KIRREL1: variants seen among roughly 807,000 people sequenced by gnomAD.
KIRREL1 encodes the protein kin of IRRE-like protein 1.
Under a neutral mutation model 83.3 loss-of-function variants are expected in KIRREL1, and 25 were observed. That is an observed-to-expected ratio of 0.30 (90% CI 0.22 to 0.42). The LOEUF (loss-of-function observed/expected upper bound fraction) is 0.42. KIRREL1 is among the 10% of genes least tolerant of loss of function. The pLI is 1.00. For synonymous variants in KIRREL1, 388 were observed against 410.4 expected (o/e 0.95, Z 0.66); for missense variants, 812 against 1,032.3 (o/e 0.79, Z 2.92).
Position 158,078,157 on chromosome 1 carries a change from CCTTCAGTA to C in KIRREL1, c.352+22_352+29del, listed in dbSNP as rs773881253. ...CCGTGCTCAGTAAGGACCCCAATAC[CCTTCAGTA>C]CTTCGAGGCCCTGTCTCTCTGTATC... On this transcript the variant is annotated intron_variant, in intron 3 of 14. Transcript: ENST00000359209. 6.2e-6 allele frequency: 10 copies of C among 1,609,230 alleles called. No homozygotes were observed. The African/African-American group carries it at 1.3e-4, about 22-fold the overall frequency.
chr1:158,078,997 A>C, intron 3 of KIRREL1, among the ~76,000 whole-genome samples: 1 of 147,854 alleles, frequency 6.8e-6, no homozygotes, highest in Non-Finnish European at 1.5e-5. Flanking sequence ...TCCAAGCCTC[A>C]CTCTTGCAAT....
chr1:158,026,847 G>GT (rs1428125833), intron 1 of KIRREL1, among the ~76,000 whole-genome samples: 3 of 152,094 alleles, frequency 2.0e-5, no homozygotes, highest in African/African-American at 7.2e-5. Context: ...AAAGCAAACT[G>GT]TTTTTCCTCT....
chr1:158,094,316 T>C lies in KIRREL1; in HGVS notation c.1723T>C (p.Phe575Leu). 1 of 1,604,502 alleles carries C rather than the reference T, an allele frequency of 6.2e-7. No individual in the cohort carries two copies. The highest frequency in any genetic ancestry group is 1.1e-5 in the South Asian group (1 of 88,764). The change falls in exon 14 of 15, where the codon TTT (phenylalanine) becomes CTT (leucine). Residue 575 changes from phenylalanine to leucine, a missense_variant. Transcript: ENST00000359209. This position sits in a 1 kb window ranked among gnomAD's most constrained non-coding sequence, Gnocchi z 4.6. Reference protein sequence around the residue: ...TRVMKAIYSSFKDDVDLKQDL... With the variant: ...TRVMKAIYSSLKDDVDLKQDL... ...TCCCACTCCTGCTGCTCCACAGTCG[T>C]TTAAGGATGATGTGGATCTGAAGCA...
In KIRREL1 at chr1:158,084,606, C is replaced by T. The variant is rs1003506795; in HGVS notation, c.510+27C>T. On this transcript the variant is annotated intron_variant, in intron 4 of 14. Transcript: ENST00000359209. Reference sequence around the variant, plus strand: ...TGAGCTCCAGCCAGCTCCCCCAGCTCCTCCTGGGCCTAGCCCAGCTCACCT... The same window carrying T: ...TGAGCTCCAGCCAGCTCCCCCAGCTTCTCCTGGGCCTAGCCCAGCTCACCT... 7.2e-5 allele frequency: 111 copies of T among 1,548,858 alleles called. No individual in the cohort carries two copies. In the Admixed American group the frequency reaches 2.1e-3, roughly 30 times the overall value.
In KIRREL1 at chr1:158,037,216, C is replaced by T. The variant is rs552736026; in HGVS notation, c.53-38897C>T. On this transcript the variant is annotated intron_variant, in intron 1 of 14. Coordinates refer to ENST00000359209, the MANE Select transcript of KIRREL1 (RefSeq NM_018240.7). Reference sequence around the variant, plus strand: ...GGCTTGTTGAAAGGGGTCAATCGGCCGGGCGCCGTGGCTCACGCCCATAAT... The same window carrying T: ...GGCTTGTTGAAAGGGGTCAATCGGCTGGGCGCCGTGGCTCACGCCCATAAT... Among the ~76,000 whole-genome samples, 512 of 152,262 alleles carry T rather than the reference C, an allele frequency of 3.4e-3. 2 individuals carry two copies. Among genetic ancestry groups the T allele is most frequent in the South Asian group, 9.8e-3 (47 of 4,818 alleles).
At position 158,096,320 on chromosome 1, in the gene KIRREL1, G is replaced by A. The variant is rs1451716573; in HGVS notation, c.*1200G>A. 5.7e-6 allele frequency: 2 copies of A among 347,848 alleles called. No individual in the cohort carries two copies. Among genetic ancestry groups the A allele is most frequent in the Admixed American group, 3.9e-5 (1 of 25,492 alleles). The allele number at this position is 347,848 out of a possible 1,614,324, so 21.5% of individuals were successfully genotyped here. A position where few individuals can be genotyped will look rare whatever the true frequency, so the allele number is the denominator to read the frequency against. ...TCTCCTATGTCCCATCAGTTGGTTGGAGGCCACCTTCCAGGGGGTATGGGA... is the reference window on the plus strand; with the variant it reads ...TCTCCTATGTCCCATCAGTTGGTTGAAGGCCACCTTCCAGGGGGTATGGGA... On this transcript the variant is annotated 3_prime_UTR_variant, in exon 15 of 15. Coordinates refer to ENST00000359209, the MANE Select transcript of KIRREL1 (RefSeq NM_018240.7).
chr1:158,042,213 GT>G (rs1403821905), intron 1 of KIRREL1, among the ~76,000 whole-genome samples: 7 of 4,960 alleles, frequency 1.4e-3, no homozygotes, highest in East Asian at 0.01. Context: ...CTTCTCCAGG[GT>G]GTGTGTGTGT....
intron 1 of KIRREL1, among the ~76,000 whole-genome samples, chr1:158,061,623 T>G (rs1465673144): frequency 6.6e-6 from 1 of 152,166 alleles, no homozygotes; most frequent in Non-Finnish European, 1.5e-5. Flanking sequence ...CTCCTCTGGC[T>G]GGCATCTAGG....
chr1:158,083,899 G>A (rs1279264315), intron 3 of KIRREL1, among the ~76,000 whole-genome samples: 3 of 152,190 alleles, frequency 2.0e-5, no homozygotes, highest in African/African-American at 7.2e-5. Flanking sequence ...GCTGAGGCAG[G>A]TGGATCACCT....
intron 3 of KIRREL1, among the ~76,000 whole-genome samples, chr1:158,078,643 C>T (rs1570985373): frequency 6.6e-6 from 1 of 152,104 alleles, no homozygotes; most frequent in South Asian, 2.1e-4. Flanking sequence ...TCCCTCAGTG[C>T]TCACCCTTCC....
At chr1:158,080,611 C>T (rs545424049) in intron 3 of KIRREL1, among the ~76,000 whole-genome samples, 8 of 152,196 alleles carry the variant, frequency 5.3e-5, no homozygotes, top group Admixed American at 2.6e-4. Flanking sequence ...GAGACAGGGA[C>T]GGTTAGTGCA....
At chr1:158,060,059 T>C (rs74120540) in intron 1 of KIRREL1, among the ~76,000 whole-genome samples, 2,547 of 152,322 alleles carry the variant, frequency 0.017, 84 homozygotes, top group African/African-American at 0.058. Context: ...TCTCTCCTCC[T>C]ACTGCTTACC....
intron 1 of KIRREL1, among the ~76,000 whole-genome samples, chr1:158,057,265 A>C (rs1486204105): frequency 1.3e-5 from 2 of 152,012 alleles, no homozygotes; most frequent in African/African-American, 4.8e-5. Context: ...AGGATGCCAG[A>C]GCTTCCAGGA....
At chr1:158,073,261 G>A (rs1183677615) in intron 1 of KIRREL1, among the ~76,000 whole-genome samples, 1 of 152,090 alleles carries the variant, frequency 6.6e-6, no homozygotes, top group Admixed American at 6.5e-5. Flanking sequence ...CCATGCCCCT[G>A]TGTCTGGACT....
intron 1 of KIRREL1, among the ~76,000 whole-genome samples, chr1:158,047,799 A>T (rs1174012128): frequency 6.6e-6 from 1 of 152,134 alleles, no homozygotes; most frequent in Non-Finnish European, 1.5e-5. Context: ...TGAAATGCTG[A>T]CTATAATTTG....
At chr1:158,021,685 A>C (rs185756132) in intron 1 of KIRREL1, among the ~76,000 whole-genome samples, 52 of 152,322 alleles carry the variant, frequency 3.4e-4, no homozygotes, top group African/African-American at 1.3e-3. Context: ...TTATGTTTTC[A>C]GTCTCCCTCC....
chr1:158,013,825 G>A (rs138074476), intron 1 of KIRREL1, among the ~76,000 whole-genome samples: 337 of 152,256 alleles, frequency 2.2e-3, no homozygotes, highest in Non-Finnish European at 3.8e-3. Flanking sequence ...TGTCCTTTCT[G>A]GGGTGGGGGT....
chr1:158,009,603 G>C (rs899809344), intron 1 of KIRREL1, among the ~76,000 whole-genome samples: 6 of 152,212 alleles, frequency 3.9e-5, no homozygotes, highest in African/African-American at 1.4e-4. Context: ...AAGGAGGGAA[G>C]GCACACAATT....
chr1:158,011,597 CA>C (rs1309001074), intron 1 of KIRREL1, among the ~76,000 whole-genome samples: 4 of 152,184 alleles, frequency 2.6e-5, no homozygotes, highest in Admixed American at 2.6e-4. Flanking sequence ...TCCCCTTTCT[CA>C]GGGGTAGGTC....
Sources: gnomAD v4.1 joint callset for allele counts (sites outside exome capture counted in the v4.1 genomes callset) on GRCh38, gnomAD v4.1.1 for gene constraint, Gnocchi (gnomAD v3.1) non-coding constraint, MANE v1.5 for transcripts, NCBI Gene and HGNC (gene_info 2026-07-23, HGNC 2026-07-21) for gene names.